NAV2: variants seen among roughly 807,000 people sequenced by gnomAD.
NAV2 encodes the protein helicase, APC down-regulated 1.
Under a neutral mutation model 223.2 loss-of-function variants are expected in NAV2, and 54 were observed. That is an observed-to-expected ratio of 0.24 (90% CI 0.19 to 0.30). The LOEUF (loss-of-function observed/expected upper bound fraction) is 0.30, where lower values mean the gene tolerates loss of function less well. NAV2 is among the 10% of genes least tolerant of loss of function. The pLI, the probability that NAV2 is intolerant of heterozygous loss-of-function variation, is 1.00. For synonymous variants in NAV2, 1,279 were observed against 1,239.3 expected (o/e 1.03, Z -0.67); for missense variants, 2,806 against 3,147.5 (o/e 0.89, Z 2.60).
chr11:19,515,598 T>G (rs1042160371), intron 1 of NAV2, among the ~76,000 whole-genome samples: 1 of 152,266 alleles, frequency 6.6e-6, no homozygotes, highest in East Asian at 1.9e-4. Context: ...TCTTCCCAGA[T>G]GCTAATTGCT....
intron 1 of NAV2, 144 bp downstream of exon 1, chr11:19,714,106 G>C (rs2050077584): frequency 3.2e-6 from 4 of 1,261,070 alleles, no homozygotes; most frequent in Non-Finnish European, 3.3e-6. Context: ...CCGGCAGGTT[G>C]GGGGATGCGC....
intron 1 of NAV2, among the ~76,000 whole-genome samples, chr11:19,406,074 G>A (rs899614506): frequency 1.3e-5 from 2 of 152,198 alleles, no homozygotes; most frequent in Non-Finnish European, 2.9e-5. Flanking sequence ...GCTATGAGGT[G>A]CCTGGTAGGT....
chr11:19,797,745 G>C (rs1285455451), intron 1 of NAV2, among the ~76,000 whole-genome samples: 2 of 152,114 alleles, frequency 1.3e-5, no homozygotes, highest in Non-Finnish European at 2.9e-5. Flanking sequence ...TGTGTGGGGA[G>C]CTTATAGAAC....
At chr11:19,600,117 T>C (rs1735018171) in intron 1 of NAV2, among the ~76,000 whole-genome samples, 3 of 152,168 alleles carry the variant, frequency 2.0e-5, no homozygotes, top group Non-Finnish European at 4.4e-5. Context: ...GCAGCTGGGC[T>C]CAATCCCACA....
At chr11:19,882,149 G>C (rs542131602) in intron 5 of NAV2, among the ~76,000 whole-genome samples, 1 of 152,204 alleles carries the variant, frequency 6.6e-6, no homozygotes, top group Non-Finnish European at 1.5e-5. Context: ...ATCCACCTTT[G>C]CTTCTCTTTG....
chr11:19,599,759 G>T (rs2046304555), intron 1 of NAV2, among the ~76,000 whole-genome samples: 1 of 152,186 alleles, frequency 6.6e-6, no homozygotes, highest in Non-Finnish European at 1.5e-5. Context: ...GTGAAATGTG[G>T]GTGAAGGGGC....
At chr11:19,741,533 G>T (rs2052805349) in intron 1 of NAV2, among the ~76,000 whole-genome samples, 1 of 141,672 alleles carries the variant, frequency 7.1e-6, no homozygotes, top group African/African-American at 2.7e-5. Context: ...ACATATAAGA[G>T]AGATCATGCG....
intron 1 of NAV2, among the ~76,000 whole-genome samples, chr11:19,652,471 C>A (rs1165718411): frequency 6.6e-6 from 1 of 152,218 alleles, no homozygotes; most frequent in East Asian, 1.9e-4. Flanking sequence ...AGGCTTCCCC[C>A]AGACCCTAGC....
intron 1 of NAV2, among the ~76,000 whole-genome samples, chr11:19,405,253 G>A (rs1279796319): frequency 2.0e-5 from 3 of 152,154 alleles, no homozygotes; most frequent in Admixed American, 2.0e-4. Context: ...TCATGGAAAG[G>A]AACAAGATCA....
At chr11:19,627,659 C>T (rs2047209393) in intron 1 of NAV2, among the ~76,000 whole-genome samples, 1 of 152,050 alleles carries the variant, frequency 6.6e-6, no homozygotes, top group Admixed American at 6.5e-5. Context: ...TTACAGTCTG[C>T]CCAGCTCCAG....
At chr11:19,964,932 G>C (rs1473235654) in intron 10 of NAV2, among the ~76,000 whole-genome samples, 1 of 143,532 alleles carries the variant, frequency 7.0e-6, no homozygotes, top group East Asian at 2.1e-4. Context: ...CAATTCTCCT[G>C]CCTCAGCCTC....
intron 1 of NAV2, among the ~76,000 whole-genome samples, chr11:19,613,324 G>A (rs774370672): frequency 4.0e-5 from 6 of 151,766 alleles, no homozygotes; most frequent in Non-Finnish European, 5.9e-5. Context: ...GATGTGAGGC[G>A]TTAGGGAAAA....
At position 20,118,841 on chromosome 11, in the gene NAV2, A is replaced by G. The variant is rs3087788; in HGVS notation, c.*583A>G. 0.76 allele frequency: 116,419 copies of G among 152,958 alleles called. 47,263 individuals carry two copies. The highest frequency in any genetic ancestry group is 0.9 in the Non-Finnish European group (61,409 of 68,336). 9.5% of individuals were successfully genotyped at this position (152,958 alleles called of 1,614,324 possible). A position where few individuals can be genotyped will look rare whatever the true frequency, so the allele number is the denominator to read the frequency against. On this transcript the variant is annotated 3_prime_UTR_variant, in exon 38 of 38. Coordinates refer to ENST00000349880, the MANE Select transcript of NAV2 (RefSeq NM_145117.5). Reference sequence around the variant, plus strand: ...CGCACTACAGAGCTACGACACAGGGAAACCTTAGGAGCAAATAAACCGTGC... The same window carrying G: ...CGCACTACAGAGCTACGACACAGGGGAACCTTAGGAGCAAATAAACCGTGC...
intron 3 of NAV2, among the ~76,000 whole-genome samples, chr11:19,868,601 C>T (rs1051850649): frequency 6.6e-5 from 10 of 152,174 alleles, no homozygotes; most frequent in Non-Finnish European, 1.3e-4. Flanking sequence ...TCCACTAACC[C>T]TTTCCCCACC....
At chr11:19,860,902 G>A (rs1201242793) in intron 3 of NAV2, among the ~76,000 whole-genome samples, 4 of 152,030 alleles carry the variant, frequency 2.6e-5, no homozygotes, top group South Asian at 2.1e-4. Context: ...GTGGCGGCGC[G>A]CGCCTGCAAT....
At chr11:20,031,883 G>T (rs1045948797) in intron 11 of NAV2, among the ~76,000 whole-genome samples, 1 of 152,126 alleles carries the variant, frequency 6.6e-6, no homozygotes, top group African/African-American at 2.4e-5. Context: ...ACTGTTTACA[G>T]TGTGAATCTC....
intron 1 of NAV2, among the ~76,000 whole-genome samples, chr11:19,509,367 C>G (rs10833129): frequency 0.46 from 69,509 of 152,018 alleles, 15,955 homozygotes; most frequent in Non-Finnish European, 0.5. Flanking sequence ...TGCTGGGGCC[C>G]CAAACCCTCA....
chr11:19,997,768 C>T (rs1355617888), intron 11 of NAV2, among the ~76,000 whole-genome samples: 2 of 152,122 alleles, frequency 1.3e-5, no homozygotes, highest in Non-Finnish European at 2.9e-5. Flanking sequence ...GGAGGGCAGG[C>T]CGCTGTTGAC....
Position 20,105,642 on chromosome 11 carries a change from G to A in NAV2, c.6756G>A (p.Leu2252=). 1 of 1,613,990 alleles carries A rather than the reference G, an allele frequency of 6.2e-7. No homozygotes were observed. Among genetic ancestry groups the A allele is most frequent in the Non-Finnish European group, 8.5e-7 (1 of 1,179,978 alleles). ...EISGRVRNME[L]VKIIDWIPKV... ...GTGGGCGGGTGCGCAATATGGAGCTGGTAAAAATCATTGACTGGATTCCCA... is the reference window on the plus strand; with the variant it reads ...GTGGGCGGGTGCGCAATATGGAGCTAGTAAAAATCATTGACTGGATTCCCA... The change falls in exon 35 of 38, where the codon CTG becomes CTA. Residue 2252 remains leucine, a synonymous_variant. Coordinates refer to ENST00000349880, the MANE Select transcript of NAV2 (RefSeq NM_145117.5).
Sources: allele counts gnomAD v4.1 joint callset (sites outside exome capture counted in the v4.1 genomes callset), GRCh38; gene constraint gnomAD v4.1.1; transcripts MANE v1.5; gene names NCBI Gene and HGNC (gene_info 2026-07-23, HGNC 2026-07-21).